NTRK2: variants seen among roughly 807,000 people sequenced by gnomAD.
NTRK2 encodes the protein neurotrophic receptor tyrosine kinase 2.
In NTRK2, 13 loss-of-function variants were observed where a neutral mutation model predicts 94.5. That is an observed-to-expected ratio of 0.14 (90% CI 0.09 to 0.22). The LOEUF is 0.22. NTRK2 is among the 10% of genes least tolerant of loss of function. The pLI is 1.00. For synonymous variants in NTRK2, 372 were observed against 407.4 expected, an observed-to-expected ratio of 0.91 and a Z score of 1.05; for missense variants, 639 against 1,071.2, an observed-to-expected ratio of 0.60 and a Z score of 5.63.
intron 17 of NTRK2, among the ~76,000 whole-genome samples, chr9:84,957,477 C>T (rs1018848288): frequency 1.3e-5 from 2 of 152,196 alleles, no homozygotes; most frequent in African/African-American, 4.8e-5. Flanking sequence ...AAGACAACAT[C>T]CACATGGTCA....
At chr9:84,943,687 A>G (rs1161617924) in intron 15 of NTRK2, among the ~76,000 whole-genome samples, 1 of 152,212 alleles carries the variant, frequency 6.6e-6, no homozygotes, top group African/African-American at 2.4e-5. Flanking sequence ...CCCGATATTC[A>G]TGGCCTCAGT....
chr9:84,849,450 T>G (rs2074643336), intron 12 of NTRK2, among the ~76,000 whole-genome samples: 1 of 152,136 alleles, frequency 6.6e-6, no homozygotes, highest in Non-Finnish European at 1.5e-5. Flanking sequence ...AAGAGCAACA[T>G]CTAACGTAAT....
chr9:84,676,184 A>G (rs1485615923), intron 2 of NTRK2, among the ~76,000 whole-genome samples: 1 of 152,190 alleles, frequency 6.6e-6, no homozygotes, highest in Non-Finnish European at 1.5e-5. Flanking sequence ...AGCTTGTCAC[A>G]TGTAAACTGA....
intron 2 of NTRK2, among the ~76,000 whole-genome samples, chr9:84,699,932 A>C (rs1350593167): frequency 6.6e-6 from 1 of 152,206 alleles, no homozygotes; most frequent in Non-Finnish European, 1.5e-5. Flanking sequence ...AAAGGGCATA[A>C]GTAACAAAAA....
intron 11 of NTRK2, among the ~76,000 whole-genome samples, chr9:84,746,768 T>G (rs2064118646): frequency 6.6e-6 from 1 of 152,200 alleles, no homozygotes; most frequent in African/African-American, 2.4e-5. Flanking sequence ...TGCTTCCTGA[T>G]GGCCATGATG....
intron 14 of NTRK2, among the ~76,000 whole-genome samples, chr9:84,903,410 G>T (rs1336706362): frequency 1.3e-5 from 2 of 152,184 alleles, no homozygotes; most frequent in African/African-American, 4.8e-5. Flanking sequence ...CTGGTCATTT[G>T]GAGATACTTA....
At chr9:84,912,682 G>A (rs1301160479) in intron 14 of NTRK2, among the ~76,000 whole-genome samples, 4 of 140,252 alleles carry the variant, frequency 2.9e-5, no homozygotes, top group South Asian at 4.7e-4. Context: ...GCAGTGGCGC[G>A]ATCTTGGCTC....
At chr9:84,773,755 T>C (rs2066776731) in intron 12 of NTRK2, among the ~76,000 whole-genome samples, 1 of 152,164 alleles carries the variant, frequency 6.6e-6, no homozygotes, top group Non-Finnish European at 1.5e-5. Flanking sequence ...GATTTGAGAA[T>C]AAAAGCATCT....
At chr9:84,800,209 C>CTT (rs11403600) in intron 12 of NTRK2, among the ~76,000 whole-genome samples, 435 of 149,330 alleles carry the variant, frequency 2.9e-3, no homozygotes, top group African/African-American at 2.8e-3. Context: ...TAGTTTCTTT[C>CTT]TTTTTTTTTT....
chr9:84,926,157 C>CTTTCTTT (rs2077779775), intron 14 of NTRK2, among the ~76,000 whole-genome samples: 5 of 80,374 alleles, frequency 6.2e-5, no homozygotes, highest in South Asian at 4.9e-4. Context: ...TTCCTTCCTT[C>CTTTCTTT]CTTCCTTCCT....
At chr9:85,019,987 A>G (rs538638373) in intron 17 of NTRK2, among the ~76,000 whole-genome samples, 25 of 152,334 alleles carry the variant, frequency 1.6e-4, no homozygotes, top group African/African-American at 5.1e-4. Flanking sequence ...TTTTGAGAGA[A>G]AGAATTGCAG....
rs1007516696 is a variant in NTRK2 at position 84,952,771 on chromosome 9, G to A, written c.1938-2512G>A. Among the ~76,000 whole-genome samples, 6 of 152,270 alleles carry A rather than the reference G, an allele frequency of 3.9e-5. No homozygotes were observed. The East Asian group carries it at 7.7e-4, about 20-fold the overall frequency. ...CCCAACCCACACATACTAATATAAAGTGCATTAGGCATTTGAGGGCCACCA... is the reference window on the plus strand; with the variant it reads ...CCCAACCCACACATACTAATATAAAATGCATTAGGCATTTGAGGGCCACCA... On this transcript the variant is annotated intron_variant, in intron 16 of 18. Coordinates refer to ENST00000277120, the MANE Select transcript of NTRK2 (RefSeq NM_006180.6).
At chr9:84,872,407 T>C (rs2075899482) in intron 14 of NTRK2, 1 of 1,080,636 alleles carries the variant, frequency 9.3e-7, no homozygotes, top group Non-Finnish European at 1.1e-6. Flanking sequence ...GAGCAAACAC[T>C]ATAGATGTCC....
At chr9:84,918,138 C>T (rs1003648404) in intron 14 of NTRK2, among the ~76,000 whole-genome samples, 6 of 152,196 alleles carry the variant, frequency 3.9e-5, no homozygotes, top group Admixed American at 6.5e-5. Flanking sequence ...AACAGAAAGG[C>T]ACAGTTTTCA....
chr9:85,015,223 G>C (rs1186729812), intron 17 of NTRK2, among the ~76,000 whole-genome samples: 10 of 151,956 alleles, frequency 6.6e-5, no homozygotes, highest in African/African-American at 2.4e-4. Context: ...AGACATAATA[G>C]TTCCAAGTCT....
chr9:84,840,302 T>G (rs2131774983), intron 12 of NTRK2, among the ~76,000 whole-genome samples: 1 of 146,100 alleles, frequency 6.8e-6, no homozygotes, highest in East Asian at 2.1e-4. Flanking sequence ...TCTTTCTCAC[T>G]CTGCTCTTGT....
intron 17 of NTRK2, among the ~76,000 whole-genome samples, chr9:84,961,984 T>G (rs887765156): frequency 2.0e-5 from 3 of 151,806 alleles, no homozygotes; most frequent in African/African-American, 7.3e-5. Context: ...GATCCAGGAG[T>G]GGGGTCTTCT....
chr9:84,947,080 C>T (rs540449451), intron 15 of NTRK2, among the ~76,000 whole-genome samples: 5 of 152,196 alleles, frequency 3.3e-5, no homozygotes, highest in Non-Finnish European at 7.4e-5. Context: ...CTCAGCCTCC[C>T]GAGTATCTGG....
At chr9:84,722,685 A>G (rs1220618530) in intron 6 of NTRK2, among the ~76,000 whole-genome samples, 1 of 152,200 alleles carries the variant, frequency 6.6e-6, no homozygotes, top group Non-Finnish European at 1.5e-5. Context: ...CATGATTCTT[A>G]TGCAGTTTAA....
Sources: gnomAD v4.1 joint callset for allele counts (sites outside exome capture counted in the v4.1 genomes callset) on GRCh38, gnomAD v4.1.1 for gene constraint, MANE v1.5 for transcripts, NCBI Gene and HGNC (gene_info 2026-07-23, HGNC 2026-07-21) for gene names.